ABCA10: variants seen among roughly 807,000 people sequenced by gnomAD.
The protein encoded by ABCA10 is ATP binding cassette subfamily A member 10.
ABCA10 carries 169 observed loss-of-function variants against 187.5 expected under a neutral mutation model. The observed-to-expected ratio is 0.90, with a 90% CI of 0.80 to 1.02. ABCA10 has a LOEUF of 1.02. Ranked by LOEUF, ABCA10 falls within the 50% of genes least tolerant of loss-of-function variation. ABCA10 has a pLI of 0.00. For synonymous variants in ABCA10, 574 were observed against 601.8 expected (o/e 0.95, Z 0.68); for missense variants, 1,727 against 1,812.4 (o/e 0.95, Z 0.86).
intron 9 of ABCA10, among the ~76,000 whole-genome samples, chr17:69,213,391 T>C (rs2074675230): frequency 1.1e-5 from 1 of 88,994 alleles, no homozygotes; most frequent in Non-Finnish European, 2.1e-5. Flanking sequence ...CTGTGACCAC[T>C]GTGGGCGACA....
In ABCA10 at chr17:69,187,682, A is replaced by G. The variant is rs1159477480; in HGVS notation, c.2329T>C (p.Leu777=). The G allele has an allele frequency of 2.5e-6, 4 of 1,613,252 alleles. No homozygotes were observed. The highest frequency in any genetic ancestry group is 3.3e-4 in the Middle Eastern group (2 of 6,060). ...LRRERRALLC[L]LLVLGIAFIP... is the part of the protein sequence containing the mutation. ...GATATAAAGTAATCTGATACTCACA[A>G]ACACAAAAGAGCTCTCCTTTCACGC... Residue 777 remains leucine, a splice_region_variant and synonymous_variant, in exon 19 of 39, where the codon TTG becomes CTG. Transcript: ENST00000690296.
At chr17:69,243,876 C>T (rs2144874375) in intron 1 of ABCA10, among the ~76,000 whole-genome samples, 1 of 152,332 alleles carries the variant, frequency 6.6e-6, no homozygotes, top group Admixed American at 6.5e-5. Context: ...CCAGCCTAGG[C>T]AGCAAAGTGA....
rs1299313700 is a variant in ABCA10 at position 69,152,401 on chromosome 17, A to G, written c.4217T>C (p.Val1406Ala). The stretch of plus-strand genomic sequence containing the variant: ...CACCATCATGGCCATACGGTCACAC[A>G]CAGCCTCAGCCTCTGACATGTAATG... ...TTHYMSEAEA[V>A]CDRMAMMVSG... The change falls in exon 35 of 39, where the codon GTG becomes GCG. Residue 1406 changes from valine (V) to alanine (A), a missense_variant. Val to Ala is a moderately conservative substitution (Grantham distance 64). Coordinates refer to ENST00000690296, the MANE Select transcript of ABCA10 (RefSeq NM_001377321.1). The G allele has an allele frequency of 3.7e-6, 6 of 1,614,060 alleles. No individual in the cohort carries two copies. Among genetic ancestry groups the G allele is most frequent in the Non-Finnish European group, 3.4e-6 (4 of 1,179,950 alleles).
At position 69,153,357 on chromosome 17, in the gene ABCA10, G is replaced by A. The variant is rs1446011655; in HGVS notation, c.4084C>T (p.Leu1362Phe). 6.2e-7 allele frequency: 1 copy of A among 1,613,616 alleles called. No homozygotes were observed. Among genetic ancestry groups the A allele is most frequent in the Admixed American group, 1.7e-5 (1 of 59,952 alleles). ...LSILGNPSVVLLDEPFTGMDP... is the reference protein window; with the variant it reads ...LSILGNPSVVFLDEPFTGMDP... ...ATCCCGGTGAACGGCTCATCTAGAA[G>A]CACCACTGATGGGTTCCCCAGGATG... Residue 1362 changes from leucine to phenylalanine, a missense_variant, in exon 34 of 39, where the codon CTT becomes TTT. Transcript: ENST00000690296.
At chr17:69,195,554 C>CTTTTTTTTTTT (rs59069489) in intron 11 of ABCA10, among the ~76,000 whole-genome samples, 5 of 102,976 alleles carry the variant, frequency 4.9e-5, no homozygotes, top group Non-Finnish European at 7.2e-5. Context: ...TGAAGTTTTT[C>CTTTTTTTTTTT]TTTTTTTTTT....
chr17:69,159,008 A>G (rs2074195364), intron 27 of ABCA10, among the ~76,000 whole-genome samples: 1 of 152,048 alleles, frequency 6.6e-6, no homozygotes, highest in African/African-American at 2.4e-5. Flanking sequence ...AGGTTAGTCT[A>G]TATCTAAAAA....
intron 36 of ABCA10, 132 bp from the exon 37 acceptor site, chr17:69,150,195 A>T (rs377060705): frequency 5.2e-6 from 3 of 582,078 alleles, no homozygotes; most frequent in Non-Finnish European, 8.8e-6. Flanking sequence ...AGCATGAATC[A>T]GTGTGAAATT....
intron 9 of ABCA10, among the ~76,000 whole-genome samples, chr17:69,208,374 G>A (rs1321701738): frequency 7.4e-6 from 1 of 134,370 alleles, no homozygotes; most frequent in Non-Finnish European, 1.5e-5. Context: ...CCAAGATCGC[G>A]CCACTGCACT....
At chr17:69,164,196 T>C in intron 26 of ABCA10, 42 bp from the exon 27 acceptor site, 1 of 1,506,726 alleles carries the variant, frequency 6.6e-7, no homozygotes, top group Non-Finnish European at 8.9e-7. Flanking sequence ...AGTTTCTCTA[T>C]AAATATAAAA....
chr17:69,189,414 G>T (rs185046487), intron 18 of ABCA10, among the ~76,000 whole-genome samples: 1 of 152,122 alleles, frequency 6.6e-6, no homozygotes, highest in East Asian at 1.9e-4. Flanking sequence ...ATAGATTCTG[G>T]ATATTATACC....
At chr17:69,167,752 C>A (rs975930530) in intron 25 of ABCA10, among the ~76,000 whole-genome samples, 2 of 152,100 alleles carry the variant, frequency 1.3e-5, no homozygotes, top group African/African-American at 4.8e-5. Flanking sequence ...CTCCTTTTGA[C>A]TTATTTTATG....
chr17:69,215,787 TA>T (rs2074698922), intron 8 of ABCA10, 27 bp downstream of exon 8: 1 of 1,435,722 alleles, frequency 7.0e-7, no homozygotes, highest in Admixed American at 2.7e-5. Context: ...AATCTAATAA[TA>T]AAATCTTGAA....
chr17:69,176,285 T>C (rs2074333410), intron 22 of ABCA10, among the ~76,000 whole-genome samples: 1 of 152,072 alleles, frequency 6.6e-6, no homozygotes, highest in African/African-American at 2.4e-5. Context: ...AAGATACAAT[T>C]AGAAGAGAGC....
At chr17:69,164,317 A>G (rs1046616094) in intron 26 of ABCA10, among the ~76,000 whole-genome samples, 163 bp from the exon 27 acceptor site, 13 of 152,166 alleles carry the variant, frequency 8.5e-5, no homozygotes, top group African/African-American at 3.1e-4. Context: ...TCTACTGATG[A>G]CCTGACATCT....
At chr17:69,208,876 A>C (rs1206582511) in intron 9 of ABCA10, among the ~76,000 whole-genome samples, 2 of 152,070 alleles carry the variant, frequency 1.3e-5, no homozygotes, top group Non-Finnish European at 2.9e-5. Flanking sequence ...ACCTCTACAA[A>C]AAAATTTTTA....
At chr17:69,236,558 T>TC (rs2074872832) in intron 1 of ABCA10, among the ~76,000 whole-genome samples, 1 of 152,186 alleles carries the variant, frequency 6.6e-6, no homozygotes, top group African/African-American at 2.4e-5. Context: ...GAATCAAGAA[T>TC]CTACCTCCTT....
intron 25 of ABCA10, among the ~76,000 whole-genome samples, chr17:69,165,944 T>C (rs985088561): frequency 6.6e-6 from 1 of 152,166 alleles, no homozygotes; most frequent in South Asian, 2.1e-4. Flanking sequence ...AAAGTTAAAC[T>C]ATATCAAAAC....
Position 69,152,186 on chromosome 17 carries a change from A to C in ABCA10, c.4257-3T>G, listed in dbSNP as rs747565850. 4.8e-5 allele frequency: 77 copies of C among 1,596,096 alleles called. No individual in the cohort carries two copies. Among genetic ancestry groups the C allele is most frequent in the Admixed American group, 3.1e-4 (17 of 54,638 alleles). ...GATGTTGAATGGAACCAATACACCT[A>C]GTTCAGGGGAAATAAAGAAAAAATA... On this transcript the variant is annotated splice_region_variant and splice_polypyrimidine_tract_variant and intron_variant, in intron 35 of 38. Transcript: ENST00000690296.
intron 6 of ABCA10, 137 bp from the exon 7 acceptor site, chr17:69,216,495 G>T: frequency 1.0e-6 from 1 of 957,154 alleles, no homozygotes; most frequent in Non-Finnish European, 1.5e-6. Flanking sequence ...CACATTTTGT[G>T]ACTATTAGCA....
Sources: allele counts gnomAD v4.1 joint callset (sites outside exome capture counted in the v4.1 genomes callset), GRCh38; gene constraint gnomAD v4.1.1; transcripts MANE v1.5; gene names NCBI Gene and HGNC (gene_info 2026-07-23, HGNC 2026-07-21).